Variants in SELENOT observed in about 807,000 individuals in gnomAD.
The protein encoded by SELENOT is thioredoxin reductase-like selenoprotein T.
SELENOT carries 9 observed loss-of-function variants against 24.3 expected under a neutral mutation model. The observed-to-expected ratio is 0.37, with a 90% CI of 0.22 to 0.65. The LOEUF is 0.65. Ranked by LOEUF, SELENOT falls within the 30% of genes least tolerant of loss-of-function variation. The pLI is 0.60. For missense variants in SELENOT, 166 were observed against 247.6 expected (o/e 0.67, Z 2.21); for synonymous variants, 81 against 86.0 (o/e 0.94, Z 0.32).
At chr3:150,614,511 G>A (rs1428850841) in intron 1 of SELENOT, 2 of 154,606 alleles carry the variant, frequency 1.3e-5, no homozygotes, top group South Asian at 2.0e-4. Context: ...GACTTTGTAG[G>A]TTTATCTAAG....
intron 1 of SELENOT, chr3:150,611,348 T>C (rs1357779751): frequency 8.4e-7 from 1 of 1,187,804 alleles, no homozygotes; most frequent in African/African-American, 1.5e-5. Context: ...TCTTTTTCAC[T>C]CACTGGAATA....
chr3:150,627,007 T>C lies in SELENOT; in HGVS notation c.464-3T>C. 6.2e-7 allele frequency: 1 copy of C among 1,605,100 alleles called. No homozygotes were observed. Among genetic ancestry groups the C allele is most frequent in the Non-Finnish European group, 8.5e-7 (1 of 1,177,714 alleles). ...TGGGGGGCGGTGCCATTTATTTTTA[T>C]AGATGTACCTGTGTGGTCTAAGCTG... On this transcript the variant is annotated splice_region_variant and splice_polypyrimidine_tract_variant and intron_variant, in intron 4 of 5. Coordinates refer to ENST00000471696, the MANE Select transcript of SELENOT (RefSeq NM_016275.5).
chr3:150,611,700 C>A, intron 1 of SELENOT: 1 of 1,597,800 alleles, frequency 6.3e-7, no homozygotes, highest in African/African-American at 1.3e-5. Context: ...GCACCGCTCA[C>A]CATCCTCCGC....
In SELENOT at chr3:150,603,413, C is replaced by T. The variant is rs1725890084; in HGVS notation, c.51C>T (p.Ser17=). 1 of 1,613,266 alleles carries T rather than the reference C, an allele frequency of 6.2e-7. No individual in the cohort carries two copies. The highest frequency in any genetic ancestry group is 1.7e-5 in the Admixed American group (1 of 59,972). ...TGGCGGCGTCTGCGATGGTCCGGAG[C>T]GAGGCCTCGGCCAATCTGGGCGGCG... ...LLVAASAMVR[S]EASANLGGVP... Residue 17 remains serine (S), a synonymous_variant, in exon 1 of 6, where the codon AGC becomes AGT. Coordinates refer to ENST00000471696, the MANE Select transcript of SELENOT (RefSeq NM_016275.5).
chr3:150,608,289 A>C (rs1164964726), intron 1 of SELENOT, among the ~76,000 whole-genome samples: 2 of 152,242 alleles, frequency 1.3e-5, no homozygotes, highest in African/African-American at 4.8e-5. Flanking sequence ...ACTGAAACTA[A>C]GAAACTTAAA....
intron 1 of SELENOT, chr3:150,611,751 G>T: frequency 7.0e-7 from 1 of 1,429,976 alleles, no homozygotes; most frequent in Non-Finnish European, 9.7e-7. Flanking sequence ...GCCGCCCCCA[G>T]GGGCCCAGCC....
At chr3:150,609,339 T>C (rs780103592) in intron 1 of SELENOT, among the ~76,000 whole-genome samples, 1 of 152,108 alleles carries the variant, frequency 6.6e-6, no homozygotes, top group Non-Finnish European at 1.5e-5. Context: ...TTGCTACTTA[T>C]TCTGTTGATG....
At chr3:150,611,890 CG>C in intron 1 of SELENOT, 3 of 1,013,786 alleles carry the variant, frequency 3.0e-6, no homozygotes, top group Non-Finnish European at 4.3e-6. Context: ...CTCCGAGCTC[CG>C]GGGTACCGGC....
rs1478009163 is a variant in SELENOT at position 150,629,986 on chromosome 3, A to G, written c.*2357A>G. 3 of 152,654 alleles carry G rather than the reference A, an allele frequency of 2.0e-5. No homozygotes were observed. In the East Asian group the frequency reaches 5.8e-4, roughly 29 times the overall value. 9.5% of individuals were successfully genotyped at this position (152,654 alleles called of 1,614,324 possible). A position where few individuals can be genotyped will look rare whatever the true frequency, so the allele number is the denominator to read the frequency against. On this transcript the variant is annotated 3_prime_UTR_variant, in exon 6 of 6. Transcript: ENST00000471696. ...GGCTAATGCTATGGGGGTTTTTACC[A>G]CAGTTGCCATTGTGGAAGAAATTAT...
intron 1 of SELENOT, among the ~76,000 whole-genome samples, chr3:150,604,823 G>C (rs947621766): frequency 1.1e-4 from 16 of 152,142 alleles, no homozygotes; most frequent in African/African-American, 3.9e-4. Flanking sequence ...ATCACCTGAG[G>C]TCGGGAGTTC....
chr3:150,605,048 A>AC (rs1400701854), intron 1 of SELENOT, among the ~76,000 whole-genome samples: 1 of 151,784 alleles, frequency 6.6e-6, no homozygotes, highest in Non-Finnish European at 1.5e-5. Context: ...AAAAAAAAAA[A>AC]AAAAAACCTC....
chr3:150,605,517 C>A (rs1293427563), intron 1 of SELENOT, among the ~76,000 whole-genome samples: 3 of 152,042 alleles, frequency 2.0e-5, no homozygotes, highest in African/African-American at 7.2e-5. Context: ...TAAGTACAGA[C>A]CTGTCCCAAA....
At chr3:150,619,775 C>A (rs546446652) in intron 1 of SELENOT, among the ~76,000 whole-genome samples, 1 of 152,234 alleles carries the variant, frequency 6.6e-6, no homozygotes, top group South Asian at 2.1e-4. Context: ...TAACATTTGT[C>A]CACCTTGGTA....
intron 1 of SELENOT, among the ~76,000 whole-genome samples, chr3:150,610,943 G>A (rs929818701): frequency 6.6e-6 from 1 of 151,874 alleles, no homozygotes; most frequent in African/African-American, 2.4e-5. Flanking sequence ...TGGTCAGTGA[G>A]AGAGCTGATT....
At chr3:150,615,421 GA>G (rs1190077007) in intron 1 of SELENOT, among the ~76,000 whole-genome samples, 2 of 151,684 alleles carry the variant, frequency 1.3e-5, no homozygotes, top group Non-Finnish European at 2.9e-5. Flanking sequence ...TCTAGTTCTA[GA>G]TCCCTGAGGA....
rs141960124 is a variant in SELENOT at position 150,606,781 on chromosome 3, C to T, written c.137+3282C>T. Among the ~76,000 whole-genome samples, 416 of 152,172 alleles carry T rather than the reference C, an allele frequency of 2.7e-3. 4 individuals are homozygous for T. The highest frequency in any genetic ancestry group is 2.5e-3 in the Non-Finnish European group (167 of 67,998). ...CTAATTTTTGTATTTTTAGTAGAGA[C>T]GGGGTTTCACCATGTTGGCCAGGCT... On this transcript the variant is annotated intron_variant, in intron 1 of 5. Coordinates refer to ENST00000471696, the MANE Select transcript of SELENOT (RefSeq NM_016275.5).
intron 1 of SELENOT, among the ~76,000 whole-genome samples, chr3:150,606,455 G>T (rs373133583): frequency 6.6e-6 from 1 of 152,088 alleles, no homozygotes; most frequent in Admixed American, 6.6e-5. Context: ...GTGTATCTGA[G>T]TCTGTGGTTT....
chr3:150,623,555 A>C (rs1339305903), intron 3 of SELENOT, among the ~76,000 whole-genome samples: 1 of 150,608 alleles, frequency 6.6e-6, no homozygotes, highest in Non-Finnish European at 1.5e-5. Context: ...ATTCACATTA[A>C]AAAGGGGATT....
Position 150,622,485 on chromosome 3 carries a change from C to A in SELENOT, c.238C>A (p.Pro80Thr). The A allele has an allele frequency of 2.1e-6, 3 of 1,457,268 alleles. No individual in the cohort carries two copies. Among genetic ancestry groups the A allele is most frequent in the Admixed American group, 2.2e-5 (1 of 44,786 alleles). 90.3% of individuals were successfully genotyped at this position (1,457,268 alleles called of 1,614,324 possible). A position where few individuals can be genotyped will look rare whatever the true frequency, so the allele number is the denominator to read the frequency against. ...RIEGENYLPQ[P>T]IYRHIASFLS... ...TGAAGGAGAGAATTACCTCCCTCAA[C>A]CAATATATAGGTAAGAAATTTTAAT... is the stretch of plus-strand genomic sequence containing the variant. Residue 80 changes from proline (P) to threonine (T), a missense_variant, in exon 2 of 6, where the codon CCA (proline) becomes ACA (threonine). This residue lies in a region of SELENOT where 71 missense variants were observed against 89.2 expected (regional missense o/e 0.80). Coordinates refer to ENST00000471696, the MANE Select transcript of SELENOT (RefSeq NM_016275.5).
Sources: gnomAD v4.1 joint callset for allele counts (sites outside exome capture counted in the v4.1 genomes callset) on GRCh38, gnomAD v4.1.1 for gene constraint, gnomAD v4.1.1 regional missense constraint, MANE v1.5 for transcripts, NCBI Gene and HGNC (gene_info 2026-07-23, HGNC 2026-07-21) for gene names.